The following FAM107A variants were observed in gnomAD, a reference collection of about 807,000 sequenced individuals.
The protein encoded by FAM107A is actin-associated protein FAM107A.
In FAM107A, 19 loss-of-function variants were observed where a neutral mutation model predicts 13.7. The observed-to-expected ratio is 1.38, with a 90% confidence interval of 0.97 to 2.03. FAM107A has a LOEUF of 2.03. FAM107A is among the 30% of genes most tolerant of loss of function. The pLI, the probability that FAM107A is intolerant of heterozygous loss-of-function variation, is 0.00. For missense variants in FAM107A, 203 were observed against 184.4 expected (o/e 1.10, Z -0.58); for synonymous variants, 82 against 74.5 (o/e 1.10, Z -0.52).
At chr3:58,606,081 T>C (rs986891109) in intron 1 of FAM107A, among the ~76,000 whole-genome samples, 3 of 150,216 alleles carry the variant, frequency 2.0e-5, no homozygotes, top group Non-Finnish European at 4.4e-5. Context: ...GCATGGATGA[T>C]TATGCTGTTA....
At chr3:58,627,309 C>A (rs1559490446) in intron 1 of FAM107A, 1 of 418,132 alleles carries the variant, frequency 2.4e-6, no homozygotes, top group Non-Finnish European at 4.3e-6. Context: ...ACTGAGGCAG[C>A]TGGGAAATGA....
Position 58,617,653 on chromosome 3 carries a change from T to G in FAM107A, c.-70+9763A>C, listed in dbSNP as rs1015434696. Among the ~76,000 whole-genome samples, 1 of 152,136 alleles carries G rather than the reference T, an allele frequency of 6.6e-6. No individual in the cohort carries two copies. The highest frequency in any genetic ancestry group is 6.6e-5 in the Admixed American group (1 of 15,266). On this transcript the variant is annotated intron_variant, in intron 1 of 3. Coordinates refer to the FAM107A transcript ENST00000465970. This position sits in a 1 kb window ranked among gnomAD's most constrained non-coding sequence, Gnocchi z 4.5. ...GGAGCTGCGTTTTTGGGTTTCTGCC[T>G]GCGAGAAAACCGGCTTTTGATTTGG...
At chr3:58,589,506 C>G (rs2065638452), upstream of FAM107A, among the ~76,000 whole-genome samples, 1 of 151,944 alleles carries the variant, frequency 6.6e-6, no homozygotes, top group African/African-American at 2.4e-5. Flanking sequence ...AAAAAATAAA[C>G]TTTATTATTT....
intron 1 of FAM107A, among the ~76,000 whole-genome samples, chr3:58,622,974 G>A (rs1206626656): frequency 6.6e-6 from 1 of 152,068 alleles, no homozygotes. Context: ...GCAGAGTCAG[G>A]GTGATGGGAT....
At chr3:58,577,535 T>G, upstream of FAM107A, 1 of 985,432 alleles carries the variant, frequency 1.0e-6, no homozygotes, top group Non-Finnish European at 1.2e-6. The surrounding 1 kb of genome is among the most constrained non-coding windows in gnomAD (Gnocchi z 4.9). Flanking sequence ...ATATTCCACT[T>G]GGTGCACGGC....
At chr3:58,577,852 C>T (rs2063743465), upstream of FAM107A, 3 of 335,338 alleles carry the variant, frequency 8.9e-6, no homozygotes, top group African/African-American at 2.2e-5. This position sits in a 1 kb window ranked among gnomAD's most constrained non-coding sequence, Gnocchi z 4.9. Flanking sequence ...TGGGTCAGTT[C>T]TTAATTATCC....
At chr3:58,612,454 C>A (rs1360671036) in intron 1 of FAM107A, among the ~76,000 whole-genome samples, 1 of 151,954 alleles carries the variant, frequency 6.6e-6, no homozygotes, top group Non-Finnish European at 1.5e-5. Flanking sequence ...GAGGCACATA[C>A]CTATAGTATT....
chr3:58,623,928 C>G (rs1023620998), intron 1 of FAM107A, among the ~76,000 whole-genome samples: 6 of 152,204 alleles, frequency 3.9e-5, no homozygotes, highest in Non-Finnish European at 8.8e-5. Context: ...GCCTGGGGAG[C>G]TGGACTTGTG....
At position 58,570,348 on chromosome 3, in the gene FAM107A, CA is replaced by C. The variant is rs994681373; in HGVS notation, c.-5-484del. The C allele has an allele frequency of 6.4e-5, 63 of 981,732 alleles. 1 individual carries two copies. The African/African-American group carries it at 1.0e-3, about 16-fold the overall frequency. The allele number at this position is 981,732 out of a possible 1,614,324, so 60.8% of individuals were successfully genotyped here. A position where few individuals can be genotyped will look rare whatever the true frequency, so the allele number is the denominator to read the frequency against. Reference sequence around the variant, plus strand: ...TACCCTTATTGTCTAACTCTATCCACAGTTCCACAACTGTTCAGCTTTTCAT... The same window carrying C: ...TACCCTTATTGTCTAACTCTATCCACGTTCCACAACTGTTCAGCTTTTCAT... On this transcript the variant is annotated intron_variant, in intron 1 of 3. Transcript: ENST00000360997.
At chr3:58,578,981 T>C (rs766607604), upstream of FAM107A, among the ~76,000 whole-genome samples, 2 of 152,238 alleles carry the variant, frequency 1.3e-5, no homozygotes, top group African/African-American at 2.4e-5. Flanking sequence ...ACCATGTGAA[T>C]GACACAGGTA....
In FAM107A at chr3:58,620,767, T is replaced by C. The variant is rs569521561; in HGVS notation, c.-70+6649A>G. Among the ~76,000 whole-genome samples, 23 of 152,348 alleles carry C rather than the reference T, an allele frequency of 1.5e-4. 1 individual carries two copies. In the South Asian group the frequency reaches 4.8e-3, roughly 32 times the overall value. ...TGCAGTGCCCAACCTGTACACCTGT[T>C]TGAAGCAGCCCTGGGCATTCAAACC... On this transcript the variant is annotated intron_variant, in intron 1 of 3. Coordinates refer to the FAM107A transcript ENST00000465970.
At chr3:58,612,740 C>T (rs1199460427) in intron 1 of FAM107A, among the ~76,000 whole-genome samples, 1 of 151,954 alleles carries the variant, frequency 6.6e-6, no homozygotes, top group Non-Finnish European at 1.5e-5. Flanking sequence ...TGACTAAGTT[C>T]ACTTAGTTAA....
At chr3:58,566,892 C>T (rs2063627173) in intron 3 of FAM107A, 197 bp from the exon 4 acceptor site, 9 of 609,608 alleles carry the variant, frequency 1.5e-5, no homozygotes, top group Non-Finnish European at 8.7e-6. Flanking sequence ...TCAAATCACT[C>T]ACCCCCTCTG....
intron 1 of FAM107A, among the ~76,000 whole-genome samples, chr3:58,608,533 G>C (rs181330960): frequency 4.9e-4 from 75 of 152,320 alleles, no homozygotes; most frequent in African/African-American, 1.6e-3. Context: ...GACCAAACCT[G>C]CAAGGTGGTA....
chr3:58,585,039 A>G (rs2065589325), intron 1 of FAM107A, among the ~76,000 whole-genome samples: 1 of 152,340 alleles, frequency 6.6e-6, no homozygotes, highest in South Asian at 2.1e-4. Context: ...AGAGTGGTGC[A>G]GGGAAGGAGC....
intron 1 of FAM107A, among the ~76,000 whole-genome samples, chr3:58,592,325 AG>A (rs1157834670): frequency 6.6e-6 from 1 of 152,178 alleles, no homozygotes; most frequent in African/African-American, 2.4e-5. Flanking sequence ...CCAGAATTTC[AG>A]AAGAAGCAGC....
chr3:58,571,499 C>T (rs2063683545), intron 1 of FAM107A, among the ~76,000 whole-genome samples: 1 of 151,942 alleles, frequency 6.6e-6, no homozygotes. Flanking sequence ...TTATATCCTT[C>T]CTAATTTTTT....
intron 1 of FAM107A, chr3:58,626,989 T>A: frequency 1.3e-6 from 2 of 1,535,980 alleles, no homozygotes; most frequent in Non-Finnish European, 1.7e-6. Context: ...CCTGGGCTGC[T>A]CCCATGGCAC....
chr3:58,601,214 AC>A (rs1450929354), intron 1 of FAM107A, among the ~76,000 whole-genome samples: 1 of 152,224 alleles, frequency 6.6e-6, no homozygotes. Context: ...CAGTTATTAA[AC>A]AATGCAGATG....
Sources: allele counts gnomAD v4.1 joint callset (sites outside exome capture counted in the v4.1 genomes callset), GRCh38; gene constraint gnomAD v4.1.1; non-coding constraint Gnocchi (gnomAD v3.1); transcripts MANE v1.5; gene names NCBI Gene and HGNC (gene_info 2026-07-23, HGNC 2026-07-21).